The following DNAH7 variants were observed in gnomAD, a reference collection of about 807,000 sequenced individuals.
The protein encoded by DNAH7 is axonemal beta dynein heavy chain 7.
DNAH7 carries 397 observed loss-of-function variants against 444.6 expected under a neutral mutation model. The ratio of observed to expected loss-of-function variants is 0.89; its 90% CI spans 0.82 to 0.97. The LOEUF is 0.97. Ranked by LOEUF, DNAH7 falls within the 50% of genes least tolerant of loss-of-function variation. The pLI is 0.00. For synonymous variants in DNAH7, 1,636 were observed against 1,624.4 expected (o/e 1.01, Z -0.17); for missense variants, 4,902 against 4,800.8 (o/e 1.02, Z -0.62).
At chr2:195,938,820 T>C (rs1464675962) in intron 19 of DNAH7, among the ~76,000 whole-genome samples, 1 of 152,162 alleles carries the variant, frequency 6.6e-6, no homozygotes, top group African/African-American at 2.4e-5. Context: ...GGCAATAATC[T>C]ATGTATCTTT....
In DNAH7 at chr2:196,026,790, C is replaced by G. The variant is rs753885490; in HGVS notation, c.637G>C (p.Asp213His). The G allele has an allele frequency of 6.2e-7, 1 of 1,611,840 alleles. No individual in the cohort carries two copies. Among genetic ancestry groups the G allele is most frequent in the Middle Eastern group, 1.7e-4 (1 of 6,044 alleles). ...IVTLSDEMRE[D>H]YLLSVRKSIV... ...GATTTCCTTACACTAAGAAGATAAT[C>G]CTCTCTCATTTCATCAGATAATGTA... is the stretch of plus-strand genomic sequence containing the variant. Residue 213 changes from aspartate to histidine, a missense_variant, in exon 7 of 65, where the codon GAT becomes CAT. Asp to His is a moderately conservative substitution (Grantham distance 81). Transcript: ENST00000312428.
At chr2:195,781,976 T>TACACACAC (rs59244207) in intron 58 of DNAH7, among the ~76,000 whole-genome samples, 24,526 of 129,518 alleles carry the variant, frequency 0.19, 2,738 homozygotes, top group Non-Finnish European at 0.24. Context: ...GTGGGTCTTA[T>TACACACAC]ACACACACAC....
intron 19 of DNAH7, among the ~76,000 whole-genome samples, chr2:195,939,255 G>A (rs1259153158): frequency 6.6e-6 from 1 of 152,032 alleles, no homozygotes; most frequent in Non-Finnish European, 1.5e-5. Flanking sequence ...GGAAAATGAA[G>A]CATTTACATC....
chr2:195,990,691 A>C (rs1043260731), intron 12 of DNAH7, among the ~76,000 whole-genome samples: 9 of 149,540 alleles, frequency 6.0e-5, no homozygotes, highest in Non-Finnish European at 1.3e-4. Context: ...GTGTGGATTT[A>C]TTTCTAGGTT....
In DNAH7 at chr2:195,960,334, CA is replaced by C; in HGVS notation, c.2816del (p.Leu939CysfsTer25). Reference protein sequence around the residue: ...ILASVDEIQMLLDDHIIKTQT... With the variant: ...ILASVDEIQMXLDDHIIKTQT... The stretch of plus-strand genomic sequence containing the variant: ...GTGTTTTAATAATATGGTCATCCAA[CA>C]ACATCTGAATTTCATCAACTGATGC... On this transcript the variant is annotated frameshift_variant, in exon 18 of 65. Coordinates refer to ENST00000312428, the MANE Select transcript of DNAH7 (RefSeq NM_018897.3). LOFTEE classifies it high-confidence loss of function. 1 of 1,613,926 alleles carries C rather than the reference CA, an allele frequency of 6.2e-7. No individual in the cohort carries two copies.
intron 19 of DNAH7, among the ~76,000 whole-genome samples, chr2:195,956,277 T>C (rs1285366371): frequency 6.6e-6 from 1 of 152,212 alleles, no homozygotes; most frequent in Non-Finnish European, 1.5e-5. Context: ...CAGAAGTTTA[T>C]ATTCATTTAA....
intron 19 of DNAH7, among the ~76,000 whole-genome samples, chr2:195,950,653 CCTGG>C (rs1252095452): frequency 6.6e-6 from 1 of 151,804 alleles, no homozygotes; most frequent in Non-Finnish European, 1.5e-5. Flanking sequence ...TCGAAACCAT[CCTGG>C]CTAACATGGT....
intron 5 of DNAH7, among the ~76,000 whole-genome samples, chr2:196,042,162 T>C (rs977762491): frequency 1.3e-5 from 2 of 152,182 alleles, no homozygotes; most frequent in South Asian, 2.1e-4. Context: ...TGGAAGTTCC[T>C]TTAAAAACTA....
At chr2:195,847,899 G>C (rs1699105167) in intron 46 of DNAH7, among the ~76,000 whole-genome samples, 1 of 152,180 alleles carries the variant, frequency 6.6e-6, no homozygotes, top group South Asian at 2.1e-4. Context: ...GACTCTACCT[G>C]GGGGACAGTC....
chr2:195,820,178 T>A (rs547581736), intron 49 of DNAH7, among the ~76,000 whole-genome samples: 3 of 152,102 alleles, frequency 2.0e-5, no homozygotes, highest in Non-Finnish European at 4.4e-5. Context: ...TAGAAATACT[T>A]GTTTTTTAAC....
chr2:195,896,769 T>C (rs1437803649), intron 29 of DNAH7, among the ~76,000 whole-genome samples: 1 of 152,212 alleles, frequency 6.6e-6, no homozygotes. Flanking sequence ...ATCTGAACTC[T>C]TTCCTTGTTG....
intron 20 of DNAH7, among the ~76,000 whole-genome samples, chr2:195,936,333 C>A (rs1364965388): frequency 6.6e-6 from 1 of 152,072 alleles, no homozygotes. Flanking sequence ...AAGGTCGCGC[C>A]ATTGCACTCC....
At chr2:195,836,332 C>T (rs1046790333) in intron 47 of DNAH7, among the ~76,000 whole-genome samples, 4 of 152,044 alleles carry the variant, frequency 2.6e-5, no homozygotes, top group African/African-American at 9.7e-5. Context: ...GCATGGATAG[C>T]ATAGCAAAAC....
chr2:195,808,733 A>C lies in DNAH7; in HGVS notation c.10032T>G (p.Arg3344=), dbSNP rs749622116. 6.2e-7 allele frequency: 1 copy of C among 1,614,076 alleles called. No individual in the cohort carries two copies. Among genetic ancestry groups the C allele is most frequent in the Non-Finnish European group, 8.5e-7 (1 of 1,179,962 alleles). Residue 3344 remains arginine, a synonymous_variant, in exon 53 of 65, where the codon CGT becomes CGG. Transcript: ENST00000312428. ...CATCCTTTAAGCGCATAAACTCTCT[A>C]CGAATGGTTTTGAAGGCAGGCAAAT... is the stretch of plus-strand genomic sequence containing the variant. The part of the protein sequence containing the change: ...LDDLPAFKTI[R]REFMRLKDGW...
At chr2:195,776,626 ATTT>A (rs200768398) in intron 59 of DNAH7, among the ~76,000 whole-genome samples, 1 of 151,434 alleles carries the variant, frequency 6.6e-6, no homozygotes, top group Non-Finnish European at 1.5e-5. Context: ...CAATAAAAAT[ATTT>A]TTTTTCTGAT....
chr2:195,934,152 T>C (rs1184902665), intron 21 of DNAH7, among the ~76,000 whole-genome samples: 2 of 152,218 alleles, frequency 1.3e-5, no homozygotes, highest in Non-Finnish European at 1.5e-5. Flanking sequence ...TTATTAATTG[T>C]AGGAAGCATA....
At chr2:195,767,051 G>A (rs561395208) in intron 61 of DNAH7, among the ~76,000 whole-genome samples, 2 of 151,946 alleles carry the variant, frequency 1.3e-5, no homozygotes, top group African/African-American at 4.8e-5. Flanking sequence ...TCATTAATTT[G>A]TCTTTATTTT....
At chr2:195,945,228 G>T (rs528927834) in intron 19 of DNAH7, among the ~76,000 whole-genome samples, 2 of 152,226 alleles carry the variant, frequency 1.3e-5, no homozygotes, top group Admixed American at 1.3e-4. Flanking sequence ...GCCTAGGGGA[G>T]CATACTTCCA....
chr2:195,828,824 C>T (rs1697921172), intron 48 of DNAH7, among the ~76,000 whole-genome samples: 1 of 151,840 alleles, frequency 6.6e-6, no homozygotes, highest in African/African-American at 2.4e-5. Flanking sequence ...TATCATTTTT[C>T]TGTTGGTTAT....
Sources: allele counts gnomAD v4.1 joint callset (sites outside exome capture counted in the v4.1 genomes callset), GRCh38; gene constraint gnomAD v4.1.1; transcripts MANE v1.5; gene names NCBI Gene and HGNC (gene_info 2026-07-23, HGNC 2026-07-21).